The following SLC25A29 variants were observed in gnomAD, a reference collection of about 807,000 sequenced individuals.
SLC25A29 encodes the protein solute carrier family 25 member 29.
SLC25A29 carries 13 observed loss-of-function variants against 10.0 expected under a neutral mutation model. The ratio of observed to expected loss-of-function variants is 1.30; its 90% CI spans 0.85 to 2.07. The LOEUF (loss-of-function observed/expected upper bound fraction) is 2.07, where lower values mean the gene tolerates loss of function less well. Ranked by LOEUF, SLC25A29 falls within the 30% of genes most tolerant of loss-of-function variation. The pLI, the probability that SLC25A29 is intolerant of heterozygous loss-of-function variation, is 0.00. For synonymous variants in SLC25A29, 244 were observed against 221.1 expected (o/e 1.10, Z -0.92); for missense variants, 475 against 447.6 (o/e 1.06, Z -0.55).
In SLC25A29 at chr14:100,292,844, C is replaced by A; in HGVS notation, c.351G>T (p.Lys117Asn). The change falls in exon 4 of 4, where the codon AAG becomes AAT. Residue 117 changes from lysine (K) to asparagine (N), a missense_variant. Coordinates refer to ENST00000359232, the MANE Select transcript of SLC25A29 (RefSeq NM_001039355.3). ...CVICCPMELA[K>N]TRLQLQDAGP... is the part of the protein sequence containing the mutation. ...CCGCGTCCTGCAGCTGCAGCCGCGT[C>A]TTGGCCAGCTCCATGGGGCAGCAGA... The A allele has an allele frequency of 1.3e-6, 2 of 1,595,406 alleles. No homozygotes were observed. Among genetic ancestry groups the A allele is most frequent in the Admixed American group, 1.7e-5 (1 of 57,990 alleles).
chr14:100,278,783 C>T, the SLC25A29 span: 2 of 152,260 alleles, frequency 1.3e-5, no homozygotes, highest in South Asian at 4.1e-4. Flanking sequence ...GCATCTGTAC[C>T]ACCGCGCAGG....
Position 100,292,253 on chromosome 14 carries a change from G to T in SLC25A29, c.*30C>A, listed in dbSNP as rs1282522821. ...ATTTATGTCCCAGGTTTCTGAGAAG[G>T]AGCCCTGGGGAAGGAGGGCGGGGTG... On this transcript the variant is annotated 3_prime_UTR_variant, in exon 4 of 4. Coordinates refer to ENST00000359232, the MANE Select transcript of SLC25A29 (RefSeq NM_001039355.3). 3 of 1,531,624 alleles carry T rather than the reference G, an allele frequency of 2.0e-6. No homozygotes were observed. Among genetic ancestry groups the T allele is most frequent in the Non-Finnish European group, 1.8e-6 (2 of 1,140,608 alleles). 94.9% of individuals were successfully genotyped at this position (1,531,624 alleles called of 1,614,324 possible). A position where few individuals can be genotyped will look rare whatever the true frequency, so the allele number is the denominator to read the frequency against.
At chr14:100,295,568 G>A in intron 2 of SLC25A29, 1 of 1,277,464 alleles carries the variant, frequency 7.8e-7, no homozygotes, top group Non-Finnish European at 1.0e-6. Flanking sequence ...GGGTTGGGGA[G>A]ATGGGCATGA....
downstream of SLC25A29, among the ~76,000 whole-genome samples, chr14:100,286,500 G>T (rs1891546935): frequency 6.9e-6 from 1 of 145,112 alleles, no homozygotes; most frequent in Non-Finnish European, 1.5e-5. Flanking sequence ...GCAGAGGGGC[G>T]CTGGTGGGGG....
At chr14:100,288,765 C>T (rs1891598374), downstream of SLC25A29, among the ~76,000 whole-genome samples, 1 of 152,156 alleles carries the variant, frequency 6.6e-6, no homozygotes, top group Admixed American at 6.5e-5. Context: ...AAAGTTTATC[C>T]AATGAAATAT....
downstream of SLC25A29, among the ~76,000 whole-genome samples, chr14:100,287,623 G>GCCC (rs1257793923): frequency 4.7e-5 from 5 of 107,336 alleles, no homozygotes; most frequent in African/African-American, 1.0e-4. Context: ...TGCCACTGGA[G>GCCC]CACCACCCCC....
At chr14:100,304,381 A>G (rs1463894643) in intron 1 of SLC25A29, among the ~76,000 whole-genome samples, 2 of 152,168 alleles carry the variant, frequency 1.3e-5, no homozygotes, top group Non-Finnish European at 2.9e-5. Context: ...TGGCCATCAG[A>G]GGAGCATGTG....
chr14:100,295,954 A>C (rs1254985305), intron 2 of SLC25A29: 1 of 1,289,738 alleles, frequency 7.8e-7, no homozygotes, highest in Non-Finnish European at 1.0e-6. Context: ...TGGGCGCTAT[A>C]GAGGAGATCC....
In SLC25A29 at chr14:100,306,383, G is replaced by C. The variant is rs1892957307; in HGVS notation, c.-151C>G. On this transcript the variant is annotated 5_prime_UTR_variant, in exon 1 of 4. In the 5' UTR this introduces an upstream ATG that the reference lacks. Coordinates refer to ENST00000359232, the MANE Select transcript of SLC25A29 (RefSeq NM_001039355.3). ...CGGAGCCCGGGCAGGCGCGGTCAGG[G>C]ATGGTGGGGATGGCGGCAGCAGCTA... 1 of 645,346 alleles carries C rather than the reference G, an allele frequency of 1.5e-6. No homozygotes were observed. 40.0% of individuals were successfully genotyped at this position (645,346 alleles called of 1,614,324 possible). A position where few individuals can be genotyped will look rare whatever the true frequency, so the allele number is the denominator to read the frequency against.
chr14:100,297,788 CA>C (rs1382529045), intron 2 of SLC25A29, among the ~76,000 whole-genome samples: 1 of 152,250 alleles, frequency 6.6e-6, no homozygotes, highest in African/African-American at 2.4e-5. Context: ...TCAGAGCTAG[CA>C]TTTAATCCAA....
At chr14:100,279,768 T>C in the SLC25A29 span, 4 of 152,414 alleles carry the variant, frequency 2.6e-5, no homozygotes, top group Non-Finnish European at 5.9e-5. Context: ...TTGCCCAACA[T>C]TGTGCTGCAC....
the SLC25A29 span, among the ~76,000 whole-genome samples, chr14:100,283,757 A>G: frequency 1.5e-3 from 226 of 152,284 alleles, 1 homozygote; most frequent in African/African-American, 5.1e-3. Flanking sequence ...CTGGGATTTC[A>G]GGCGTGAACC....
Position 100,292,351 on chromosome 14 carries a change from C to G in SLC25A29, c.844G>C (p.Gly282Arg). 6.7e-7 allele frequency: 1 copy of G among 1,499,764 alleles called. No individual in the cohort carries two copies. Among genetic ancestry groups the G allele is most frequent in the Non-Finnish European group, 8.8e-7 (1 of 1,130,032 alleles). 92.9% of individuals were successfully genotyped at this position (1,499,764 alleles called of 1,614,324 possible). A position where few individuals can be genotyped will look rare whatever the true frequency, so the allele number is the denominator to read the frequency against. ...VLTYARGEEAGPEGEAVPAAP... is the reference protein window; with the variant it reads ...VLTYARGEEARPEGEAVPAAP... ...GCGGGCACAGCCTCGCCCTCGGGCC[C>G]GGCCTCCTCGCCGCGCGCGTAGGTG... Residue 282 changes from glycine (G) to arginine (R), a missense_variant, in exon 4 of 4, where the codon GGG (glycine) becomes CGG (arginine). Physicochemically the swap from Gly to Arg is moderately radical, Grantham distance 125. Transcript: ENST00000359232.
chr14:100,302,042 G>A (rs1225479345), intron 1 of SLC25A29, among the ~76,000 whole-genome samples: 1 of 144,910 alleles, frequency 6.9e-6, no homozygotes, highest in East Asian at 2.0e-4. Context: ...CATTTCATTA[G>A]AGCCTTTCTT....
chr14:100,283,441 CCT>C, the SLC25A29 span, among the ~76,000 whole-genome samples: 1 of 151,402 alleles, frequency 6.6e-6, no homozygotes, highest in South Asian at 2.1e-4. Context: ...CGGTGGAAAA[CCT>C]GTAGATTTTA....
intron 3 of SLC25A29, 67 bp from the exon 4 acceptor site, chr14:100,293,099 G>A (rs1439288980): frequency 3.4e-6 from 5 of 1,466,926 alleles, no homozygotes; most frequent in Admixed American, 2.4e-5. Context: ...GCGGAAGGGG[G>A]TCGGGGGATG....
At position 100,293,374 on chromosome 14, in the gene SLC25A29, G is replaced by A; in HGVS notation, c.82C>T (p.Arg28Trp). ...TTCTCCACGCTCTGGACCTGAAGCC[G>A]TACCTGGAAGGAGAGGGTCCAGTGA... Reference protein sequence around the residue: ...VGHPFDTVKVRLQVQSVEKPQ... With the variant: ...VGHPFDTVKVWLQVQSVEKPQ... Residue 28 changes from arginine (R) to tryptophan (W), a missense_variant, in exon 3 of 4, where the codon CGG becomes TGG. Transcript: ENST00000359232. 4 of 1,612,602 alleles carry A rather than the reference G, an allele frequency of 2.5e-6. No individual in the cohort carries two copies. Among genetic ancestry groups the A allele is most frequent in the South Asian group, 1.1e-5 (1 of 90,882 alleles).
chr14:100,297,359 G>A (rs1006496944), intron 2 of SLC25A29, among the ~76,000 whole-genome samples: 1 of 152,176 alleles, frequency 6.6e-6, no homozygotes, highest in African/African-American at 2.4e-5. Flanking sequence ...GCACCAGAAC[G>A]AAAGTGCTCC....
intron 2 of SLC25A29, chr14:100,297,981 T>G (rs55663005): frequency 0.041 from 6,209 of 152,414 alleles, 171 homozygotes; most frequent in Non-Finnish European, 0.056. Flanking sequence ...TTGTGCTGGA[T>G]GCAATCCACC....
Sources: gnomAD v4.1 joint callset for allele counts (sites outside exome capture counted in the v4.1 genomes callset) on GRCh38, gnomAD v4.1.1 for gene constraint, MANE v1.5 for transcripts, NCBI Gene and HGNC (gene_info 2026-07-23, HGNC 2026-07-21) for gene names.